Variants in NFIB observed in about 807,000 individuals in gnomAD.
The protein encoded by NFIB is nuclear factor 1 B-type.
In NFIB, 11 loss-of-function variants were observed where a neutral mutation model predicts 61.5. The observed-to-expected ratio is 0.18, with a 90% CI of 0.11 to 0.30. NFIB has a LOEUF of 0.30. Among genes scored for constraint, NFIB ranks in the 10% least tolerant of loss-of-function variants. The probability of loss-of-function intolerance (pLI) is 1.00; values close to 1 mark genes in which losing one functional copy is unlikely to be tolerated. For synonymous variants in NFIB, 260 were observed against 216.5 expected (o/e 1.20, Z -1.76); for missense variants, 471 against 608.9 (o/e 0.77, Z 2.38).
chr9:14,370,383 C>T (rs897345793), intron 1 of NFIB, among the ~76,000 whole-genome samples: 1 of 152,158 alleles, frequency 6.6e-6, no homozygotes, highest in African/African-American at 2.4e-5. Context: ...GGGTAGTTAA[C>T]TGTTTTTTTT....
At chr9:14,143,378 C>G (rs976402971) in intron 6 of NFIB, among the ~76,000 whole-genome samples, 2 of 151,818 alleles carry the variant, frequency 1.3e-5, no homozygotes, top group African/African-American at 4.8e-5. Context: ...TTTGCCTACT[C>G]AGAATAAATC....
chr9:14,213,310 A>G (rs1221210014), intron 2 of NFIB, among the ~76,000 whole-genome samples: 3 of 147,036 alleles, frequency 2.0e-5, no homozygotes, highest in Non-Finnish European at 4.4e-5. Flanking sequence ...TGATCTTTGG[A>G]AAGTTAACGC....
intron 1 of NFIB, among the ~76,000 whole-genome samples, chr9:14,396,183 T>C (rs1588420717): frequency 6.6e-6 from 1 of 152,226 alleles, no homozygotes; most frequent in East Asian, 1.9e-4. Flanking sequence ...TTTCACCATT[T>C]TTCTCCCTTT....
intron 1 of NFIB, among the ~76,000 whole-genome samples, chr9:14,364,618 C>T (rs2061278973): frequency 6.6e-6 from 1 of 152,120 alleles, no homozygotes; most frequent in African/African-American, 2.4e-5. Flanking sequence ...GATTTCATTC[C>T]TACATTTATT....
intron 4 of NFIB, among the ~76,000 whole-genome samples, chr9:14,151,961 C>G (rs4237133): frequency 0.58 from 88,340 of 151,812 alleles, 32,408 homozygotes; most frequent in Non-Finnish European, 0.83. Flanking sequence ...GTTTTCTTAC[C>G]CCTCATTTTT....
intron 2 of NFIB, among the ~76,000 whole-genome samples, chr9:14,187,852 T>A (rs2382449): frequency 0.98 from 148,627 of 152,214 alleles, 72,622 homozygotes; most frequent in Middle Eastern, 1. Context: ...TACTAATGAA[T>A]CCCCTGCAAA....
chr9:14,211,908 A>T (rs565243054), intron 2 of NFIB, among the ~76,000 whole-genome samples: 1 of 152,380 alleles, frequency 6.6e-6, no homozygotes, highest in South Asian at 2.1e-4. Flanking sequence ...TTAAAAGATT[A>T]AAGCGTTTAA....
At chr9:14,364,827 C>T (rs1207345017) in intron 1 of NFIB, among the ~76,000 whole-genome samples, 3 of 152,216 alleles carry the variant, frequency 2.0e-5, no homozygotes, top group Non-Finnish European at 4.4e-5. Context: ...CTAGTAAAAA[C>T]ATTATCAAAC....
intron 2 of NFIB, among the ~76,000 whole-genome samples, chr9:14,197,395 G>T (rs759056397): frequency 7.2e-5 from 11 of 152,152 alleles, no homozygotes; most frequent in Non-Finnish European, 1.6e-4. Context: ...TATAGGGAAA[G>T]TTGCTATAAA....
At chr9:14,155,727 T>G (rs1276609711) in intron 4 of NFIB, 98 bp downstream of exon 4, 17 of 583,878 alleles carry the variant, frequency 2.9e-5, no homozygotes, top group Non-Finnish European at 4.6e-5. Context: ...CAAATTTTCC[T>G]AATATGTGGT....
intron 2 of NFIB, among the ~76,000 whole-genome samples, chr9:14,242,999 A>C (rs1194424177): frequency 6.6e-6 from 1 of 152,242 alleles, no homozygotes; most frequent in Non-Finnish European, 1.5e-5. Context: ...AAATCTAAAC[A>C]CATCAAGATA....
At chr9:14,378,392 C>G (rs942463006) in intron 1 of NFIB, among the ~76,000 whole-genome samples, 10 of 152,258 alleles carry the variant, frequency 6.6e-5, no homozygotes, top group South Asian at 6.2e-4. Flanking sequence ...GAGTCTCGCT[C>G]TGTCACCAGG....
At chr9:14,320,348 C>A (rs1436347717) in intron 1 of NFIB, among the ~76,000 whole-genome samples, 1 of 152,108 alleles carries the variant, frequency 6.6e-6, no homozygotes, top group African/African-American at 2.4e-5. Context: ...AATTTTATTG[C>A]CAAAGTACTT....
At chr9:14,360,646 A>G (rs1248192627) in intron 1 of NFIB, among the ~76,000 whole-genome samples, 8 of 150,702 alleles carry the variant, frequency 5.3e-5, no homozygotes, top group Non-Finnish European at 7.4e-5. Context: ...CCGGGCTCAC[A>G]CCATTCTCCT....
chr9:14,404,579 T>A, the NFIB span, among the ~76,000 whole-genome samples: 1 of 152,306 alleles, frequency 6.6e-6, no homozygotes, highest in East Asian at 1.9e-4. Flanking sequence ...CTCTCTCACC[T>A]TATGAGTTAC....
intron 2 of NFIB, among the ~76,000 whole-genome samples, chr9:14,250,665 C>T (rs545017825): frequency 1.3e-5 from 2 of 152,272 alleles, no homozygotes; most frequent in East Asian, 1.9e-4. Context: ...TTTAAAGCAA[C>T]ATTAAACATA....
chr9:14,347,785 C>G (rs1282008190), intron 1 of NFIB, among the ~76,000 whole-genome samples: 1 of 152,012 alleles, frequency 6.6e-6, no homozygotes, highest in African/African-American at 2.4e-5. Flanking sequence ...AAATCACTAC[C>G]CGGCGACGGC....
rs75551109 is a variant in NFIB at position 14,306,012 on chromosome 9, T to C, written c.562+977A>G. 6,940 of 1,203,706 alleles carry C rather than the reference T, an allele frequency of 5.8e-3. 326 individuals are homozygous for C. The African/African-American group carries it at 0.096, about 17-fold the overall frequency. 74.6% of individuals were successfully genotyped at this position (1,203,706 alleles called of 1,614,324 possible). ...GATGCATTTATTTGAAGAAAAGAAA[T>C]TCTTACCTACTTAAGGAAAATATAT... is the stretch of plus-strand genomic sequence containing the variant. On this transcript the variant is annotated intron_variant, in intron 2 of 10. Transcript: ENST00000380953.
intron 7 of NFIB, among the ~76,000 whole-genome samples, chr9:14,123,766 T>G (rs116577363): frequency 0.012 from 1,759 of 151,956 alleles, 37 homozygotes; most frequent in African/African-American, 0.04. Flanking sequence ...TTCCTCTTAG[T>G]TTGCCCCTCT....
Sources: gnomAD v4.1 joint callset for allele counts (sites outside exome capture counted in the v4.1 genomes callset) on GRCh38, gnomAD v4.1.1 for gene constraint, MANE v1.5 for transcripts, NCBI Gene and HGNC (gene_info 2026-07-23, HGNC 2026-07-21) for gene names.